SRGAP3: variants seen among roughly 807,000 people sequenced by gnomAD.
SRGAP3 encodes SLIT-ROBO Rho GTPase activating protein 3.
A neutral mutation model predicts 121.1 loss-of-function variants in SRGAP3; 39 were observed. The ratio of observed to expected loss-of-function variants is 0.32; its 90% confidence interval spans 0.25 to 0.42. SRGAP3 has a LOEUF of 0.42. SRGAP3 is among the 10% of genes least tolerant of loss of function. The probability of loss-of-function intolerance (pLI) is 1.00; values close to 1 mark genes in which losing one functional copy is unlikely to be tolerated. For missense variants in SRGAP3, 1,213 were observed against 1,470.6 expected (o/e 0.82, Z 2.86); for synonymous variants, 601 against 570.0 (o/e 1.05, Z -0.77).
intron 9 of SRGAP3, chr3:9,049,462 G>A (rs1655980457): frequency 8.8e-6 from 4 of 456,092 alleles, no homozygotes; most frequent in Non-Finnish European, 1.8e-5. Context: ...AACATCATCA[G>A]GCCCCTTCTA....
At chr3:8,999,987 G>A (rs1162898450) in intron 18 of SRGAP3, among the ~76,000 whole-genome samples, 2 of 152,156 alleles carry the variant, frequency 1.3e-5, no homozygotes, top group Non-Finnish European at 2.9e-5. Flanking sequence ...TGAGAAAGGT[G>A]AAAATCTCTG....
chr3:9,266,218 G>A (rs1306110960), intron 3 of SRGAP3, among the ~76,000 whole-genome samples: 1 of 152,166 alleles, frequency 6.6e-6, no homozygotes, highest in African/African-American at 2.4e-5. Flanking sequence ...GCTGGGGCCT[G>A]TCATGGCATG....
chr3:9,339,110 A>G (rs1478886082), intron 1 of SRGAP3, among the ~76,000 whole-genome samples: 1 of 152,190 alleles, frequency 6.6e-6, no homozygotes, highest in African/African-American at 2.4e-5. Context: ...GCACAGTCCC[A>G]TATTTGAATC....
At chr3:9,029,791 A>G (rs1268191621) in intron 12 of SRGAP3, among the ~76,000 whole-genome samples, 1 of 152,202 alleles carries the variant, frequency 6.6e-6, no homozygotes, top group Non-Finnish European at 1.5e-5. Context: ...GGTGCACAGT[A>G]TGAGTTTATT....
intron 20 of SRGAP3, among the ~76,000 whole-genome samples, chr3:8,992,043 G>A (rs1942088886): frequency 6.6e-6 from 1 of 152,170 alleles, no homozygotes; most frequent in Admixed American, 6.5e-5. Context: ...CCACCACAGT[G>A]CCCCGAGCTA....
chr3:9,212,248 G>C (rs1021189826), intron 1 of SRGAP3, among the ~76,000 whole-genome samples: 1 of 152,162 alleles, frequency 6.6e-6, no homozygotes, highest in African/African-American at 2.4e-5. Flanking sequence ...AAACCACGCT[G>C]GTCCCAGCTC....
At chr3:9,181,427 G>C (rs1951395124) in intron 1 of SRGAP3, among the ~76,000 whole-genome samples, 1 of 152,218 alleles carries the variant, frequency 6.6e-6, no homozygotes, top group Non-Finnish European at 1.5e-5. Context: ...CAGAAGTCCA[G>C]GTTGACTCAG....
chr3:9,120,720 G>A (rs1261110006), intron 2 of SRGAP3, among the ~76,000 whole-genome samples: 1 of 152,220 alleles, frequency 6.6e-6, no homozygotes, highest in Non-Finnish European at 1.5e-5. Flanking sequence ...AGAGAGCAAG[G>A]ATGTCAGAGT....
chr3:9,324,665 C>T (rs1955487892), intron 3 of SRGAP3, among the ~76,000 whole-genome samples: 1 of 151,820 alleles, frequency 6.6e-6, no homozygotes, highest in Non-Finnish European at 1.5e-5. Context: ...TAGAAAAATT[C>T]CCCCTTTTGG....
At chr3:9,234,987 G>C (rs924974973) in intron 1 of SRGAP3, among the ~76,000 whole-genome samples, 1 of 152,308 alleles carries the variant, frequency 6.6e-6, no homozygotes, top group East Asian at 1.9e-4. Context: ...AGCTGAAAGT[G>C]GCTGGGACAA....
intron 1 of SRGAP3, among the ~76,000 whole-genome samples, chr3:9,205,882 TCAAA>T (rs1351045936): frequency 1.3e-5 from 2 of 152,120 alleles, no homozygotes; most frequent in Non-Finnish European, 2.9e-5. Context: ...TCACGAAAGG[TCAAA>T]CAGTGTATGA....
chr3:9,010,510 C>T, intron 17 of SRGAP3, 123 bp from the exon 18 acceptor site: 4 of 1,007,184 alleles, frequency 4.0e-6, no homozygotes, highest in Non-Finnish European at 6.2e-6. Context: ...CAGGCCTATA[C>T]CATCCTATCT....
chr3:9,344,076 T>C (rs1343061843), intron 1 of SRGAP3, among the ~76,000 whole-genome samples: 3 of 152,184 alleles, frequency 2.0e-5, no homozygotes, highest in African/African-American at 7.2e-5. Flanking sequence ...TCCCAGCACT[T>C]TGGGAGGCCA....
At chr3:9,030,503 AAAG>A (rs1273525147) in intron 12 of SRGAP3, among the ~76,000 whole-genome samples, 1 of 152,196 alleles carries the variant, frequency 6.6e-6, no homozygotes. Flanking sequence ...TCCAGGCTCT[AAAG>A]AAGATTGACC....
intron 3 of SRGAP3, among the ~76,000 whole-genome samples, chr3:9,102,733 A>G (rs974635886): frequency 6.6e-6 from 1 of 152,058 alleles, no homozygotes. Context: ...AGCTGTAGAC[A>G]TTTTTTTCAT....
intron 3 of SRGAP3, among the ~76,000 whole-genome samples, chr3:9,258,229 C>A (rs185866685): frequency 7.2e-5 from 11 of 151,984 alleles, no homozygotes; most frequent in African/African-American, 2.4e-4. Flanking sequence ...TTCTTGGAGG[C>A]GAAAATTTCT....
At chr3:9,120,874 C>T (rs979843538) in intron 2 of SRGAP3, among the ~76,000 whole-genome samples, 1 of 152,358 alleles carries the variant, frequency 6.6e-6, no homozygotes, top group South Asian at 2.1e-4. Flanking sequence ...ACAGGGAACT[C>T]AGCCCAGGTG....
rs554760703 is a variant in SRGAP3 at position 9,107,293 on chromosome 3, G to A, written c.261-2451C>T. Among the ~76,000 whole-genome samples, 9 of 152,348 alleles carry A rather than the reference G, an allele frequency of 5.9e-5. No homozygotes were observed. In the South Asian group the frequency reaches 1.9e-3, roughly 32 times the overall value. On this transcript the variant is annotated intron_variant, in intron 2 of 21. Coordinates refer to ENST00000383836, the MANE Select transcript of SRGAP3 (RefSeq NM_014850.4). ...ACACTCTGCCTTGGAGGGGCTCACT[G>A]CTGAGTGGCTGCATCAGAAAAAAAG...
At chr3:9,091,871 T>C (rs993075167) in intron 3 of SRGAP3, among the ~76,000 whole-genome samples, 4 of 152,180 alleles carry the variant, frequency 2.6e-5, no homozygotes, top group African/African-American at 9.7e-5. Flanking sequence ...CCTGTTCTCT[T>C]TCCCTTCCCA....
Sources: allele counts gnomAD v4.1 joint callset (sites outside exome capture counted in the v4.1 genomes callset), GRCh38; gene constraint gnomAD v4.1.1; transcripts MANE v1.5; gene names NCBI Gene and HGNC (gene_info 2026-07-23, HGNC 2026-07-21).